The following ANO5 variants were observed in gnomAD, a reference collection of about 807,000 sequenced individuals.
ANO5 encodes the protein anoctamin-5.
ANO5 carries 109 observed loss-of-function variants against 121.0 expected under a neutral mutation model. That is an observed-to-expected ratio of 0.90 (90% confidence interval 0.77 to 1.06). ANO5 has a LOEUF of 1.06. Among genes scored for constraint, ANO5 ranks in the 50% least tolerant of loss-of-function variants. ANO5 has a pLI of 0.00. For missense variants in ANO5, 1,064 were observed against 1,078.5 expected, an observed-to-expected ratio of 0.99 and a Z score of 0.19; for synonymous variants, 406 against 359.9, an observed-to-expected ratio of 1.13 and a Z score of -1.45.
chr11:22,199,659 T>A (rs190482087), intron 1 of ANO5, among the ~76,000 whole-genome samples: 1 of 152,272 alleles, frequency 6.6e-6, no homozygotes, highest in East Asian at 1.9e-4. Context: ...AAGAGTGCAT[T>A]GTTCTACTTT....
intron 2 of ANO5, among the ~76,000 whole-genome samples, chr11:22,205,465 C>T (rs1852089633): frequency 6.6e-6 from 1 of 151,596 alleles, no homozygotes; most frequent in South Asian, 2.1e-4. Context: ...GTTTGCAGAT[C>T]AATATACAAA....
chr11:22,252,903 C>T (rs1455536445), intron 12 of ANO5, among the ~76,000 whole-genome samples: 3 of 152,122 alleles, frequency 2.0e-5, no homozygotes, highest in Admixed American at 1.3e-4. Flanking sequence ...TATGCACATA[C>T]ATGGTCCTTG....
chr11:22,263,880 A>G (rs7946977), intron 17 of ANO5, among the ~76,000 whole-genome samples: 20,305 of 152,062 alleles, frequency 0.13, 3,934 homozygotes, highest in African/African-American at 0.42. Context: ...ATATACACAC[A>G]ATTTCATAGT....
chr11:22,265,969 A>G (rs1470095370), intron 17 of ANO5, among the ~76,000 whole-genome samples: 1 of 152,188 alleles, frequency 6.6e-6, no homozygotes, highest in African/African-American at 2.4e-5. Flanking sequence ...ATGACCATTT[A>G]ATTTAAGACA....
intron 17 of ANO5, among the ~76,000 whole-genome samples, chr11:22,269,253 AAG>A (rs1161428906): frequency 2.2e-5 from 2 of 91,196 alleles, no homozygotes; most frequent in East Asian, 2.5e-4. Context: ...GAAAAAAAGA[AAG>A]AGAAGGAAAA....
chr11:22,279,226 TGCTA>T (rs1167488033), intron 21 of ANO5, among the ~76,000 whole-genome samples: 1 of 151,922 alleles, frequency 6.6e-6, no homozygotes, highest in East Asian at 1.9e-4. Context: ...TTTGCAAGTT[TGCTA>T]GCCTTTTTCA....
At chr11:22,249,104 C>A (rs1211131939) in intron 9 of ANO5, among the ~76,000 whole-genome samples, 1 of 151,546 alleles carries the variant, frequency 6.6e-6, no homozygotes, top group Non-Finnish European at 1.5e-5. Context: ...TCTGGAAAAC[C>A]AAATTAGGGA....
intron 9 of ANO5, among the ~76,000 whole-genome samples, chr11:22,249,314 T>C (rs922745933): frequency 6.6e-6 from 1 of 152,098 alleles, no homozygotes; most frequent in African/African-American, 2.4e-5. Context: ...ATATGTGTTC[T>C]TGTTAAGCAT....
chr11:22,258,019 A>T (rs1287290206), intron 14 of ANO5, among the ~76,000 whole-genome samples: 1 of 152,198 alleles, frequency 6.6e-6, no homozygotes, highest in Non-Finnish European at 1.5e-5. Context: ...CGTTTAAGTG[A>T]TCACTTGAAA....
intron 1 of ANO5, among the ~76,000 whole-genome samples, chr11:22,197,117 T>C (rs1421039273): frequency 5.3e-5 from 8 of 152,214 alleles, no homozygotes; most frequent in African/African-American, 1.9e-4. Context: ...TAAAATTGAT[T>C]GTAAGAGAGA....
intron 4 of ANO5, among the ~76,000 whole-genome samples, chr11:22,220,055 G>A (rs1852591017): frequency 6.6e-6 from 1 of 151,616 alleles, no homozygotes; most frequent in African/African-American, 2.4e-5. Flanking sequence ...TGGCTTATTT[G>A]CATATAACTG....
chr11:22,231,492 G>A (rs1853039725), intron 7 of ANO5, among the ~76,000 whole-genome samples: 1 of 151,746 alleles, frequency 6.6e-6, no homozygotes, highest in Non-Finnish European at 1.5e-5. Flanking sequence ...TCAGTTAACA[G>A]TATATTCTTT....
intron 18 of ANO5, among the ~76,000 whole-genome samples, chr11:22,272,105 TG>T (rs1183798624): frequency 6.6e-6 from 1 of 152,222 alleles, no homozygotes; most frequent in Non-Finnish European, 1.5e-5. Context: ...GTTAATAGCA[TG>T]GGTTATTTTA....
At chr11:22,278,478 T>C (rs1854947137) in intron 21 of ANO5, among the ~76,000 whole-genome samples, 1 of 151,738 alleles carries the variant, frequency 6.6e-6, no homozygotes, top group African/African-American at 2.4e-5. Context: ...TAATATCTTT[T>C]TTAAAATTCT....
chr11:22,271,777 A>C (rs1246922762), intron 18 of ANO5, among the ~76,000 whole-genome samples: 3 of 152,174 alleles, frequency 2.0e-5, no homozygotes, highest in Non-Finnish European at 2.9e-5. Context: ...TAGGTTAATA[A>C]ATTTTTTATG....
intron 9 of ANO5, among the ~76,000 whole-genome samples, chr11:22,250,013 A>T (rs1853751355): frequency 6.6e-6 from 1 of 152,114 alleles, no homozygotes; most frequent in Non-Finnish European, 1.5e-5. Flanking sequence ...ATCCCTTTTA[A>T]TCCTTGTATC....
At chr11:22,208,557 T>C (rs562875919) in intron 2 of ANO5, among the ~76,000 whole-genome samples, 1 of 151,994 alleles carries the variant, frequency 6.6e-6, no homozygotes, top group Non-Finnish European at 1.5e-5. Flanking sequence ...TTTAAAAGGG[T>C]AGCATGAGGA....
chr11:22,192,594 A>G (rs1385730850), upstream of ANO5, among the ~76,000 whole-genome samples: 29 of 152,220 alleles, frequency 1.9e-4, 1 homozygote, highest in Non-Finnish European at 4.4e-5. Context: ...CACGAGACCA[A>G]AAGTAACTCC....
At position 22,263,898 on chromosome 11, in the gene ANO5, A is replaced by G. The variant is rs1333041954; in HGVS notation, c.1898+855A>G. 2.0e-5 allele frequency among the ~76,000 whole-genome samples: 3 copies of G among 152,144 alleles called. No individual in the cohort carries two copies. The East Asian group carries it at 5.8e-4, about 29-fold the overall frequency. On this transcript the variant is annotated intron_variant, in intron 17 of 21. Coordinates refer to ENST00000324559, the MANE Select transcript of ANO5 (RefSeq NM_213599.3). ...TACACACAATTTCATAGTGCCACTT[A>G]GGGCTCTATTTCAAGTACTAACAAA...
Sources: gnomAD v4.1 joint callset for allele counts (sites outside exome capture counted in the v4.1 genomes callset) on GRCh38, gnomAD v4.1.1 for gene constraint, MANE v1.5 for transcripts, NCBI Gene and HGNC (gene_info 2026-07-23, HGNC 2026-07-21) for gene names.